BRI3BP: variants seen among roughly 807,000 people sequenced by gnomAD.
BRI3BP encodes BRI3 binding protein.
A neutral mutation model predicts 15.8 loss-of-function variants in BRI3BP; 7 were observed. That is an observed-to-expected ratio of 0.44 (90% CI 0.25 to 0.83). The LOEUF is 0.83. BRI3BP is among the 40% of genes least tolerant of loss of function. The probability of loss-of-function intolerance (pLI) is 0.20; values close to 1 mark genes in which losing one functional copy is unlikely to be tolerated. For synonymous variants in BRI3BP, 192 were observed against 163.5 expected, an observed-to-expected ratio of 1.17 and a Z score of -1.33; for missense variants, 320 against 339.3, an observed-to-expected ratio of 0.94 and a Z score of 0.45.
chr12:125,022,079 TAAAAAAAA>T lies in BRI3BP; in HGVS notation c.317-2897_317-2890del, dbSNP rs57327862. ...TGGGTGACAGAAAAAGACCCTGTCT[TAAAAAAAA>T]AAAAAAAAAAAAAAGACCACAGATT... is the stretch of plus-strand genomic sequence containing the variant. On this transcript the variant is annotated intron_variant, in intron 2 of 2. Transcript: ENST00000341446. 1.9e-3 allele frequency among the ~76,000 whole-genome samples: 240 copies of T among 129,328 alleles called. 2 individuals carry two copies. The highest frequency in any genetic ancestry group is 3.3e-3 in the African/African-American group (124 of 37,138). The allele number at this position is 129,328 out of a possible 152,430, so 84.8% of individuals were successfully genotyped here. A position where few individuals can be genotyped will look rare whatever the true frequency, so the allele number is the denominator to read the frequency against.
Position 125,012,569 on chromosome 12 carries a change from A to T in BRI3BP, c.249A>T (p.Gly83=). 6.2e-7 allele frequency: 1 copy of T among 1,612,976 alleles called. No individual in the cohort carries two copies. Among genetic ancestry groups the T allele is most frequent in the Non-Finnish European group, 8.5e-7 (1 of 1,179,130 alleles). ...GGCTGACTGAGAGATTTGTGCTGGG[A>T]GTGGATATGTTCGTGGAGACACTGT... ...LARLTERFVL[G]VDMFVETLWK... The change falls in exon 2 of 3, where the codon GGA becomes GGT. Residue 83 remains glycine (G), a synonymous_variant. Coordinates refer to ENST00000341446, the MANE Select transcript of BRI3BP (RefSeq NM_080626.6).
At chr12:125,024,115 C>T (rs1955325173) in intron 2 of BRI3BP, among the ~76,000 whole-genome samples, 1 of 152,174 alleles carries the variant, frequency 6.6e-6, no homozygotes, top group Non-Finnish European at 1.5e-5. Flanking sequence ...GTTTAATTGA[C>T]TCACAGTTCT....
the BRI3BP span, among the ~76,000 whole-genome samples, chr12:125,039,030 C>A: frequency 6.6e-6 from 1 of 152,170 alleles, no homozygotes; most frequent in African/African-American, 2.4e-5. Context: ...GGGGAGGTTG[C>A]AGTGAGCTGA....
intron 1 of BRI3BP, among the ~76,000 whole-genome samples, chr12:125,001,441 C>T (rs1016896576): frequency 2.0e-5 from 3 of 152,102 alleles, no homozygotes; most frequent in African/African-American, 7.2e-5. Context: ...CTCGGTGCAA[C>T]CTCTGCCTCC....
At chr12:125,001,984 A>G (rs541748278) in intron 1 of BRI3BP, among the ~76,000 whole-genome samples, 1 of 152,242 alleles carries the variant, frequency 6.6e-6, no homozygotes, top group East Asian at 1.9e-4. Flanking sequence ...ATAGGAGTGG[A>G]GTCCTGTACA....
In BRI3BP at chr12:125,028,741, C is replaced by T. The variant is rs1203842830; in HGVS notation, c.*3311C>T. On this transcript the variant is annotated 3_prime_UTR_variant, in exon 3 of 3. Coordinates refer to ENST00000341446, the MANE Select transcript of BRI3BP (RefSeq NM_080626.6). Reference sequence around the variant, plus strand: ...ACCTTTTCTGGGGCACATCTTACCCCAAAATAATTGGGGATTTTTTTGTTC... The same window carrying T: ...ACCTTTTCTGGGGCACATCTTACCCTAAAATAATTGGGGATTTTTTTGTTC... 1 of 152,148 alleles carries T rather than the reference C, an allele frequency of 6.6e-6. No homozygotes were observed. Among genetic ancestry groups the T allele is most frequent in the Non-Finnish European group, 1.5e-5 (1 of 68,024 alleles). The allele number at this position is 152,148 out of a possible 1,614,324, so 9.4% of individuals were successfully genotyped here.
At chr12:125,014,812 A>C (rs1955228957) in intron 2 of BRI3BP, among the ~76,000 whole-genome samples, 1 of 152,206 alleles carries the variant, frequency 6.6e-6, no homozygotes, top group Admixed American at 6.5e-5. Flanking sequence ...TCTGTTGCCC[A>C]GGCTGGAGTG....
intron 2 of BRI3BP, among the ~76,000 whole-genome samples, chr12:125,019,750 T>A (rs1389665663): frequency 6.7e-6 from 1 of 150,108 alleles, no homozygotes; most frequent in Non-Finnish European, 1.5e-5. Context: ...CAAAACCAGA[T>A]TTGGGGGCCA....
downstream of BRI3BP, among the ~76,000 whole-genome samples, chr12:125,036,128 G>A (rs6488979): frequency 9.9e-4 from 24 of 24,242 alleles, no homozygotes; most frequent in South Asian, 0.014. Flanking sequence ...GCAATGGCGC[G>A]ATCTCTGCTC....
chr12:125,012,223 A>G (rs1203140856), intron 1 of BRI3BP, among the ~76,000 whole-genome samples: 1 of 152,124 alleles, frequency 6.6e-6, no homozygotes, highest in African/African-American at 2.4e-5. Context: ...TCCTGACCCA[A>G]GAGGAAGCAT....
At chr12:125,018,130 G>A (rs1261217799) in intron 2 of BRI3BP, among the ~76,000 whole-genome samples, 1 of 152,170 alleles carries the variant, frequency 6.6e-6, no homozygotes, top group Non-Finnish European at 1.5e-5. Flanking sequence ...ACACTGAGGG[G>A]CGGCTGGCCA....
intron 2 of BRI3BP, 87 bp downstream of exon 2, chr12:125,012,723 C>T (rs971611333): frequency 2.8e-6 from 3 of 1,054,920 alleles, no homozygotes; most frequent in South Asian, 2.5e-5. Flanking sequence ...GTGAGTAATA[C>T]ATGAGAAGGT....
At chr12:125,042,510 G>C in the BRI3BP span, among the ~76,000 whole-genome samples, 10 of 148,964 alleles carry the variant, frequency 6.7e-5, 1 homozygote, top group South Asian at 1.5e-3. Flanking sequence ...GGATTTTGCT[G>C]TGTTGCCCAG....
chr12:125,024,994 C>T lies in BRI3BP; in HGVS notation c.320C>T (p.Ser107Phe). 6.2e-7 allele frequency: 1 copy of T among 1,611,722 alleles called. No homozygotes were observed. Among genetic ancestry groups the T allele is most frequent in the Non-Finnish European group, 8.5e-7 (1 of 1,178,862 alleles). ...ELLDVLGLDV[S>F]NLSQYFSPAS... ...GTTCCTCTTTTCTGTCCCGCAGTCT[C>T]CAACCTGTCCCAGTATTTCAGCCCA... The change falls in exon 3 of 3, where the codon TCC becomes TTC. Residue 107 changes from serine to phenylalanine, a missense_variant. Transcript: ENST00000341446.
chr12:125,017,335 T>TTC (rs199850955), intron 2 of BRI3BP, among the ~76,000 whole-genome samples: 1 of 151,262 alleles, frequency 6.6e-6, no homozygotes, highest in Non-Finnish European at 1.5e-5. Flanking sequence ...GTTTTTTTTT[T>TTC]ATAGAGATGG....
At chr12:125,048,015 TAAAAAA>T in the BRI3BP span, among the ~76,000 whole-genome samples, 3 of 137,152 alleles carry the variant, frequency 2.2e-5, no homozygotes, top group Non-Finnish European at 3.1e-5. Flanking sequence ...TTCTTATAGT[TAAAAAA>T]AAAAAAAAAA....
chr12:125,024,261 C>G lies in BRI3BP; in HGVS notation c.317-730C>G, dbSNP rs12832631. Among the ~76,000 whole-genome samples the G allele has an allele frequency of 1.3e-3, 44 of 34,886 alleles. No individual in the cohort carries two copies. In the African/African-American group the frequency reaches 0.013, roughly 10 times the overall value. 22.9% of individuals were successfully genotyped at this position (34,886 alleles called of 152,430 possible). A position where few individuals can be genotyped will look rare whatever the true frequency, so the allele number is the denominator to read the frequency against. On this transcript the variant is annotated intron_variant, in intron 2 of 2. Coordinates refer to ENST00000341446, the MANE Select transcript of BRI3BP (RefSeq NM_080626.6). ...TTAAACCATCAGATCTCATGAAACC[C>G]CCCCCCCTCCACTGTCACAAGAACA...
chr12:125,041,736 T>A, the BRI3BP span, among the ~76,000 whole-genome samples: 4 of 152,208 alleles, frequency 2.6e-5, no homozygotes, highest in Non-Finnish European at 5.9e-5. Flanking sequence ...AGTCCTGCTA[T>A]GTTTGACTAG....
chr12:125,000,589 G>A (rs77899850), intron 1 of BRI3BP, among the ~76,000 whole-genome samples: 2,750 of 152,166 alleles, frequency 0.018, 77 homozygotes, highest in East Asian at 0.073. Flanking sequence ...TGGGATTACA[G>A]GCGTGAGCCA....
Sources: gnomAD v4.1 joint callset for allele counts (sites outside exome capture counted in the v4.1 genomes callset) on GRCh38, gnomAD v4.1.1 for gene constraint, MANE v1.5 for transcripts, NCBI Gene and HGNC (gene_info 2026-07-23, HGNC 2026-07-21) for gene names.